Variants in CCSER1 observed in about 807,000 individuals in gnomAD.
CCSER1 encodes the protein coiled-coil serine rich protein 1.
CCSER1 carries 41 observed loss-of-function variants against 82.0 expected under a neutral mutation model. That is an observed-to-expected ratio of 0.50 (90% CI 0.39 to 0.65). The LOEUF is 0.65. CCSER1 is among the 30% of genes least tolerant of loss of function. The pLI is 0.00. For missense variants in CCSER1, 1,119 were observed against 1,064.2 expected (o/e 1.05, Z -0.72); for synonymous variants, 414 against 383.9 (o/e 1.08, Z -0.92).
intron 5 of CCSER1, among the ~76,000 whole-genome samples, chr4:90,521,027 G>A (rs533554894): frequency 4.9e-4 from 75 of 152,260 alleles, no homozygotes; most frequent in African/African-American, 1.6e-3. Context: ...TGTAATCCTT[G>A]ACACTTTCAT....
chr4:91,555,419 T>C (rs1033769236), intron 10 of CCSER1, among the ~76,000 whole-genome samples: 5 of 151,122 alleles, frequency 3.3e-5, no homozygotes, highest in Non-Finnish European at 5.9e-5. Context: ...CAACTAAATA[T>C]ACCAAATATA....
intron 1 of CCSER1, among the ~76,000 whole-genome samples, chr4:90,258,829 A>AAC (rs1260541755): frequency 1.3e-5 from 2 of 152,088 alleles, no homozygotes; most frequent in Non-Finnish European, 2.9e-5. Flanking sequence ...TGTATCAAAT[A>AAC]TGTAGTCTTA....
In CCSER1 at chr4:91,395,371, A is replaced by T. The variant is rs149873654; in HGVS notation, c.2218-203201A>T. 4.2e-3 allele frequency among the ~76,000 whole-genome samples: 634 copies of T among 152,182 alleles called. 2 individuals carry two copies. The highest frequency in any genetic ancestry group is 0.015 in the African/African-American group (615 of 41,558). ...GCAGCCATTATGTGAGGACAGATTC[A>T]GGGGACTTGTTAGTTTCTGGTAAAG... On this transcript the variant is annotated intron_variant, in intron 10 of 10. Coordinates refer to ENST00000509176, the MANE Select transcript of CCSER1 (RefSeq NM_001145065.2).
chr4:91,519,745 C>T lies in CCSER1; in HGVS notation c.2218-78827C>T, dbSNP rs76807106. Among the ~76,000 whole-genome samples the T allele has an allele frequency of 6.5e-3, 985 of 152,280 alleles. 4 individuals are homozygous for T. Among genetic ancestry groups the T allele is most frequent in the African/African-American group, 0.017 (727 of 41,572 alleles). ...TGTCTCCCCTGGCTCTGTGCCACTC[C>T]TGGGTGTGTGGTTGTCCTGTCTTGC... On this transcript the variant is annotated intron_variant, in intron 10 of 10. Coordinates refer to ENST00000509176, the MANE Select transcript of CCSER1 (RefSeq NM_001145065.2).
intron 10 of CCSER1, among the ~76,000 whole-genome samples, chr4:91,227,184 C>T (rs933022209): frequency 2.0e-5 from 3 of 151,732 alleles, no homozygotes; most frequent in Admixed American, 6.6e-5. Flanking sequence ...TTATCTAAAA[C>T]ATATAATGCA....
At chr4:91,178,370 A>C (rs1473916849) in intron 10 of CCSER1, among the ~76,000 whole-genome samples, 2 of 149,278 alleles carry the variant, frequency 1.3e-5, no homozygotes, top group East Asian at 2.0e-4. Flanking sequence ...TATCCTTGTT[A>C]ACATTCTGTC....
intron 1 of CCSER1, among the ~76,000 whole-genome samples, chr4:90,262,004 T>A (rs907744582): frequency 2.0e-5 from 3 of 148,570 alleles, no homozygotes; most frequent in African/African-American, 7.9e-5. Context: ...ATATATTGAA[T>A]TTTTTTTAAA....
At chr4:90,378,339 A>G (rs1475958106) in intron 3 of CCSER1, among the ~76,000 whole-genome samples, 1 of 152,202 alleles carries the variant, frequency 6.6e-6, no homozygotes, top group African/African-American at 2.4e-5. Context: ...AATGTGAGCT[A>G]GAAAAGCAGA....
At position 90,740,573 on chromosome 4, in the gene CCSER1, A is replaced by G. The variant is rs950274106; in HGVS notation, c.2010+16582A>G. 3.4e-4 allele frequency among the ~76,000 whole-genome samples: 51 copies of G among 152,188 alleles called. 1 individual carries two copies. The highest frequency in any genetic ancestry group is 2.9e-5 in the Non-Finnish European group (2 of 68,014). ...TCTATTAGCATCATATTGCTGTTCA[A>G]ATTATTCTCACACACTGTCCAAATC... On this transcript the variant is annotated intron_variant, in intron 7 of 10. Coordinates refer to ENST00000509176, the MANE Select transcript of CCSER1 (RefSeq NM_001145065.2).
intron 9 of CCSER1, among the ~76,000 whole-genome samples, chr4:91,057,149 C>T (rs949479198): frequency 1.3e-5 from 2 of 152,160 alleles, no homozygotes; most frequent in African/African-American, 4.8e-5. Flanking sequence ...CCCACCCTGG[C>T]TCCTGTAAGC....
chr4:90,671,956 A>G (rs989095734), intron 6 of CCSER1, among the ~76,000 whole-genome samples: 6 of 152,006 alleles, frequency 3.9e-5, no homozygotes, highest in African/African-American at 9.7e-5. Context: ...ACACGTAGTA[A>G]TATTTTGAAA....
chr4:90,881,130 A>G (rs1721252494), intron 8 of CCSER1, among the ~76,000 whole-genome samples: 1 of 152,184 alleles, frequency 6.6e-6, no homozygotes, highest in African/African-American at 2.4e-5. Context: ...TTAAAAAGAA[A>G]AAGAAAACAT....
At chr4:91,067,169 G>GAA (rs925973039) in intron 9 of CCSER1, among the ~76,000 whole-genome samples, 2 of 138,104 alleles carry the variant, frequency 1.4e-5, no homozygotes, top group Non-Finnish European at 3.2e-5. Context: ...GTCTCAAAAA[G>GAA]AAAAAAAAAA....
intron 10 of CCSER1, among the ~76,000 whole-genome samples, chr4:91,173,309 GA>G (rs1732958607): frequency 6.6e-6 from 1 of 152,120 alleles, no homozygotes; most frequent in South Asian, 2.1e-4. Flanking sequence ...AAAGTCATAA[GA>G]GGGGCCAGGC....
intron 10 of CCSER1, among the ~76,000 whole-genome samples, chr4:91,427,774 T>C (rs1052692372): frequency 2.0e-5 from 3 of 152,134 alleles, no homozygotes; most frequent in African/African-American, 7.2e-5. Flanking sequence ...AATGACTGTT[T>C]GTCATGGAGT....
intron 9 of CCSER1, among the ~76,000 whole-genome samples, chr4:91,046,166 C>T (rs1581416417): frequency 1.0e-5 from 1 of 99,866 alleles, no homozygotes; most frequent in East Asian, 2.6e-4. Flanking sequence ...TAAAAACTGA[C>T]ACTTGCAAAT....
intron 7 of CCSER1, among the ~76,000 whole-genome samples, chr4:90,746,054 C>T (rs1373876451): frequency 6.6e-6 from 1 of 152,088 alleles, no homozygotes; most frequent in Admixed American, 6.5e-5. Flanking sequence ...CTTGTACTTT[C>T]CATTTAGTGC....
At chr4:91,000,722 C>G (rs1737960784) in intron 9 of CCSER1, among the ~76,000 whole-genome samples, 2 of 152,054 alleles carry the variant, frequency 1.3e-5, no homozygotes, top group Non-Finnish European at 2.9e-5. Flanking sequence ...ATTTGGCCCT[C>G]AGCTAGAATG....
At chr4:91,525,827 A>C (rs1473666639) in intron 10 of CCSER1, among the ~76,000 whole-genome samples, 2 of 152,104 alleles carry the variant, frequency 1.3e-5, no homozygotes, top group African/African-American at 4.8e-5. Context: ...TCTAAGCCCC[A>C]CCCTGCCAAC....
Sources: gnomAD v4.1 joint callset for allele counts (sites outside exome capture counted in the v4.1 genomes callset) on GRCh38, gnomAD v4.1.1 for gene constraint, MANE v1.5 for transcripts, NCBI Gene and HGNC (gene_info 2026-07-23, HGNC 2026-07-21) for gene names.